Variants in UNC5D observed in about 807,000 individuals in gnomAD.
The protein encoded by UNC5D is unc-5 netrin receptor D.
UNC5D carries 39 observed loss-of-function variants against 105.4 expected under a neutral mutation model. The observed-to-expected ratio is 0.37, with a 90% CI of 0.29 to 0.48. UNC5D has a LOEUF of 0.48. UNC5D is among the 20% of genes least tolerant of loss of function. The pLI is 0.98. For synonymous variants in UNC5D, 452 were observed against 450.4 expected (o/e 1.00, Z -0.04); for missense variants, 991 against 1,202.4 (o/e 0.82, Z 2.60).
chr8:35,788,923 C>A (rs2131808978), intron 16 of UNC5D, among the ~76,000 whole-genome samples: 1 of 151,456 alleles, frequency 6.6e-6, no homozygotes, highest in East Asian at 2.0e-4. Flanking sequence ...CTTGTTCGTT[C>A]TTCCTCTTTC....
At chr8:35,376,494 T>TAAAAA (rs1033283794) in intron 1 of UNC5D, among the ~76,000 whole-genome samples, 4 of 152,068 alleles carry the variant, frequency 2.6e-5, no homozygotes, top group Non-Finnish European at 5.9e-5. Flanking sequence ...AACACTGGGC[T>TAAAAA]AAAAAACATA....
chr8:35,730,427 T>C (rs1488023860), intron 10 of UNC5D, among the ~76,000 whole-genome samples: 2 of 152,140 alleles, frequency 1.3e-5, no homozygotes, highest in Non-Finnish European at 2.9e-5. Flanking sequence ...CTAGAAAGGG[T>C]CATGGTTGTG....
At chr8:35,371,246 A>G (rs180708715) in intron 1 of UNC5D, among the ~76,000 whole-genome samples, 48 of 152,146 alleles carry the variant, frequency 3.2e-4, no homozygotes, top group Middle Eastern at 6.8e-3. Context: ...AGCATTTTAG[A>G]TATGTTCTGA....
At chr8:35,413,364 G>A (rs1381303014) in intron 1 of UNC5D, among the ~76,000 whole-genome samples, 1 of 148,378 alleles carries the variant, frequency 6.7e-6, no homozygotes, top group African/African-American at 2.5e-5. Context: ...TGGAGATTAG[G>A]GTTTTTACAG....
At chr8:35,761,469 G>A (rs1801528479) in intron 14 of UNC5D, among the ~76,000 whole-genome samples, 1 of 152,138 alleles carries the variant, frequency 6.6e-6, no homozygotes, top group Admixed American at 6.5e-5. Flanking sequence ...GGTACAAGAG[G>A]ACCAGCCAAA....
intron 4 of UNC5D, among the ~76,000 whole-genome samples, chr8:35,614,363 A>T (rs1437134340): frequency 6.6e-6 from 1 of 152,172 alleles, no homozygotes; most frequent in Non-Finnish European, 1.5e-5. Flanking sequence ...ATAATTCACT[A>T]GAGAAAGGTT....
At chr8:35,594,329 C>T (rs1819360677) in intron 3 of UNC5D, among the ~76,000 whole-genome samples, 1 of 152,154 alleles carries the variant, frequency 6.6e-6, no homozygotes, top group South Asian at 2.1e-4. Context: ...TTTTGACTTG[C>T]TAAAGGCAAG....
intron 1 of UNC5D, among the ~76,000 whole-genome samples, chr8:35,380,141 CAGACAGAGACCGAGAGGGAG>C (rs1450112304): frequency 4.7e-5 from 5 of 106,304 alleles, no homozygotes; most frequent in South Asian, 3.4e-4. Flanking sequence ...GAGAGAGAGA[CAGACAGAGACCGAGAGGGAG>C]AGACAGAGAC....
chr8:35,729,064 A>C (rs1477256350), intron 10 of UNC5D, among the ~76,000 whole-genome samples: 1 of 152,218 alleles, frequency 6.6e-6, no homozygotes, highest in Non-Finnish European at 1.5e-5. Flanking sequence ...TGGGGGAAGT[A>C]TGTTTGAAAG....
chr8:35,428,045 G>A (rs1013601942), intron 1 of UNC5D, among the ~76,000 whole-genome samples: 1 of 152,124 alleles, frequency 6.6e-6, no homozygotes, highest in Non-Finnish European at 1.5e-5. Flanking sequence ...AGGAAGTGCT[G>A]CCCAGACTGA....
chr8:35,646,046 TAATC>T (rs1823025843), intron 4 of UNC5D, among the ~76,000 whole-genome samples: 1 of 152,078 alleles, frequency 6.6e-6, no homozygotes, highest in Admixed American at 6.6e-5. Flanking sequence ...GATGCGAAAA[TAATC>T]AACCAAAGAA....
At chr8:35,376,003 G>A (rs1802679347) in intron 1 of UNC5D, among the ~76,000 whole-genome samples, 1 of 152,140 alleles carries the variant, frequency 6.6e-6, no homozygotes, top group Non-Finnish European at 1.5e-5. Context: ...TGGTCAAACT[G>A]CAATCTGTAT....
At chr8:35,286,257 T>C (rs1015993889) in intron 1 of UNC5D, among the ~76,000 whole-genome samples, 4 of 152,168 alleles carry the variant, frequency 2.6e-5, no homozygotes, top group Non-Finnish European at 5.9e-5. Context: ...TTAACTTTAC[T>C]CACCTCACAG....
intron 4 of UNC5D, among the ~76,000 whole-genome samples, chr8:35,681,533 C>A (rs1825665240): frequency 6.6e-6 from 1 of 152,154 alleles, no homozygotes; most frequent in Non-Finnish European, 1.5e-5. Context: ...GTGTCACAGG[C>A]TGGTAGTCAG....
intron 13 of UNC5D, among the ~76,000 whole-genome samples, chr8:35,758,789 T>C (rs911140634): frequency 6.6e-6 from 1 of 152,248 alleles, no homozygotes; most frequent in Non-Finnish European, 1.5e-5. Flanking sequence ...ATAATAACTT[T>C]TACAAACATT....
At chr8:35,468,191 A>G (rs1182902618) in intron 1 of UNC5D, among the ~76,000 whole-genome samples, 1 of 152,176 alleles carries the variant, frequency 6.6e-6, no homozygotes, top group Admixed American at 6.5e-5. Context: ...ATTGCCCTAT[A>G]TTAGAGTAAT....
chr8:35,493,303 A>AAC (rs1811334030), intron 1 of UNC5D, among the ~76,000 whole-genome samples: 3 of 149,308 alleles, frequency 2.0e-5, no homozygotes, highest in Non-Finnish European at 3.0e-5. Context: ...AAAAAAAAAA[A>AAC]ACACACCAAA....
At chr8:35,508,588 G>A (rs979278785) in intron 1 of UNC5D, among the ~76,000 whole-genome samples, 2 of 152,184 alleles carry the variant, frequency 1.3e-5, no homozygotes, top group Non-Finnish European at 2.9e-5. Flanking sequence ...TTGAAGCACT[G>A]CTGGGAGGTA....
chr8:35,649,828 A>G (rs1823289284), intron 4 of UNC5D, among the ~76,000 whole-genome samples: 1 of 152,170 alleles, frequency 6.6e-6, no homozygotes, highest in Non-Finnish European at 1.5e-5. Flanking sequence ...TTATGAAAAA[A>G]CTAGGAAATA....
Sources: allele counts gnomAD v4.1 joint callset (sites outside exome capture counted in the v4.1 genomes callset), GRCh38; gene constraint gnomAD v4.1.1; transcripts MANE v1.5; gene names NCBI Gene and HGNC (gene_info 2026-07-23, HGNC 2026-07-21).